LRRC4C: variants seen among roughly 807,000 people sequenced by gnomAD.
The protein encoded by LRRC4C is leucine rich repeat containing 4C.
A neutral mutation model predicts 33.6 loss-of-function variants in LRRC4C; 5 were observed. The observed-to-expected ratio is 0.15, with a 90% CI of 0.08 to 0.31. The LOEUF (loss-of-function observed/expected upper bound fraction) is 0.31, where lower values mean the gene tolerates loss of function less well. Among genes scored for constraint, LRRC4C ranks in the 10% least tolerant of loss-of-function variants. LRRC4C has a pLI of 1.00. For synonymous variants in LRRC4C, 329 were observed against 302.0 expected (o/e 1.09, Z -0.93); for missense variants, 560 against 796.7 (o/e 0.70, Z 3.58).
intron 1 of LRRC4C, among the ~76,000 whole-genome samples, chr11:41,327,697 C>G (rs1951164560): frequency 6.6e-6 from 1 of 152,012 alleles, no homozygotes; most frequent in Non-Finnish European, 1.5e-5. Flanking sequence ...GGGAGGGACC[C>G]CGTGGGAGGT....
At chr11:41,422,706 A>T (rs1393648801) in intron 1 of LRRC4C, among the ~76,000 whole-genome samples, 1 of 152,050 alleles carries the variant, frequency 6.6e-6, no homozygotes, top group Non-Finnish European at 1.5e-5. Flanking sequence ...AAACATCTTA[A>T]GCAACATACA....
At chr11:40,478,411 T>C (rs1399534945) in intron 3 of LRRC4C, among the ~76,000 whole-genome samples, 3 of 152,202 alleles carry the variant, frequency 2.0e-5, no homozygotes, top group African/African-American at 4.8e-5. Flanking sequence ...GAAGCTCCAG[T>C]CCATGCTATG....
intron 2 of LRRC4C, among the ~76,000 whole-genome samples, chr11:40,910,663 C>A (rs982366802): frequency 2.0e-5 from 3 of 151,938 alleles, no homozygotes; most frequent in Non-Finnish European, 4.4e-5. Flanking sequence ...ACTGAGGTAC[C>A]AGGTTCATCT....
rs1015684816 is a variant in LRRC4C at position 41,188,939 on chromosome 11, A to G, written c.-495-255216T>C. On this transcript the variant is annotated intron_variant, in intron 1 of 6. Transcript: ENST00000528697. ...AAAAAAAGTATAATTTATGTTGGCAATTTCTTAAACTAATAAATGATTCTT... is the reference window on the plus strand; with the variant it reads ...AAAAAAAGTATAATTTATGTTGGCAGTTTCTTAAACTAATAAATGATTCTT... Among the ~76,000 whole-genome samples the G allele has an allele frequency of 7.7e-5, 11 of 142,492 alleles. No homozygotes were observed. The East Asian group carries it at 2.8e-3, about 36-fold the overall frequency. 93.5% of individuals were successfully genotyped at this position (142,492 alleles called of 152,430 possible).
intron 3 of LRRC4C, among the ~76,000 whole-genome samples, chr11:40,599,832 A>T (rs1453773311): frequency 2.0e-5 from 3 of 152,216 alleles, no homozygotes; most frequent in African/African-American, 7.2e-5. Context: ...AGAAATGGAA[A>T]TGTAGGGCAG....
rs193238762 is a variant in LRRC4C, at chr11:40,646,084, G to A, written c.-270+2058C>T. 1.6e-3 allele frequency among the ~76,000 whole-genome samples: 225 copies of A among 141,174 alleles called. 1 individual carries two copies. The highest frequency in any genetic ancestry group is 5.4e-3 in the Admixed American group (75 of 13,962). The allele number at this position is 141,174 out of a possible 152,430, so 92.6% of individuals were successfully genotyped here. ...GCCAATAACTGGCTAACCATTCTTT[G>A]ATAATTCTGCCTATTGAAATAAATG... On this transcript the variant is annotated intron_variant, in intron 3 of 6. Coordinates refer to ENST00000528697, the MANE Select transcript of LRRC4C (RefSeq NM_001258419.2).
intron 3 of LRRC4C, among the ~76,000 whole-genome samples, chr11:40,644,582 C>G (rs899977078): frequency 6.6e-6 from 1 of 152,108 alleles, no homozygotes; most frequent in Non-Finnish European, 1.5e-5. Context: ...AGAAATATTA[C>G]TCAATAGAAA....
chr11:40,432,428 T>C (rs1229493384), intron 3 of LRRC4C, among the ~76,000 whole-genome samples: 4 of 152,240 alleles, frequency 2.6e-5, no homozygotes, highest in African/African-American at 7.2e-5. Context: ...AAAGTTTAAG[T>C]GTCTTGAAGA....
intron 2 of LRRC4C, among the ~76,000 whole-genome samples, chr11:40,826,738 A>AT (rs1591818868): frequency 6.6e-6 from 1 of 151,850 alleles, no homozygotes; most frequent in East Asian, 1.9e-4. Flanking sequence ...GATATCTTGA[A>AT]TTTTTCCATA....
At chr11:41,207,111 T>C (rs531704534) in intron 1 of LRRC4C, among the ~76,000 whole-genome samples, 1 of 152,268 alleles carries the variant, frequency 6.6e-6, no homozygotes, top group East Asian at 1.9e-4. Flanking sequence ...CCCAAAAGGA[T>C]CCACAACATT....
chr11:40,683,036 C>G (rs546125115), intron 2 of LRRC4C, among the ~76,000 whole-genome samples: 1 of 152,218 alleles, frequency 6.6e-6, no homozygotes, highest in African/African-American at 2.4e-5. Context: ...GAAACGGTTA[C>G]CAAGAGTAGA....
At chr11:40,326,114 G>T (rs1353225274) in intron 3 of LRRC4C, among the ~76,000 whole-genome samples, 1 of 150,992 alleles carries the variant, frequency 6.6e-6, no homozygotes, top group African/African-American at 2.4e-5. Flanking sequence ...TATAAAAACT[G>T]TTGCTTGCTT....
intron 1 of LRRC4C, among the ~76,000 whole-genome samples, chr11:41,376,534 C>T (rs146501329): frequency 0.011 from 1,646 of 152,128 alleles, 9 homozygotes; most frequent in South Asian, 0.035. Context: ...AATGGTTAAA[C>T]ATTAGAAATA....
intron 2 of LRRC4C, among the ~76,000 whole-genome samples, chr11:40,912,863 C>A (rs981188688): frequency 1.1e-4 from 16 of 151,716 alleles, no homozygotes; most frequent in African/African-American, 3.4e-4. Context: ...TCTACCAAGC[C>A]AATGGAAAAC....
Position 40,442,075 on chromosome 11 carries a change from A to G in LRRC4C, c.-269-122354T>C, listed in dbSNP as rs1027727879. Among the ~76,000 whole-genome samples, 3 of 147,452 alleles carry G rather than the reference A, an allele frequency of 2.0e-5. No homozygotes were observed. The South Asian group carries it at 6.5e-4, about 32-fold the overall frequency. On this transcript the variant is annotated intron_variant, in intron 3 of 6. Coordinates refer to ENST00000528697, the MANE Select transcript of LRRC4C (RefSeq NM_001258419.2). ...CTACTTGGGAGGCTGAGGCAGGAGA[A>G]CGGTGTGAACCCAGGAGGTGGAGCT...
intron 2 of LRRC4C, among the ~76,000 whole-genome samples, chr11:40,891,921 T>G (rs1385850482): frequency 4.0e-5 from 6 of 151,504 alleles, no homozygotes; most frequent in Non-Finnish European, 5.9e-5. Context: ...GTATCACGAG[T>G]TCAGGAGATC....
At chr11:41,435,865 T>C (rs572956348) in intron 1 of LRRC4C, among the ~76,000 whole-genome samples, 9 of 152,230 alleles carry the variant, frequency 5.9e-5, no homozygotes, top group Non-Finnish European at 1.0e-4. Flanking sequence ...ACTTCTTGAA[T>C]TCTTCAAATA....
At chr11:41,321,057 C>A (rs1353730623) in intron 1 of LRRC4C, among the ~76,000 whole-genome samples, 1 of 152,326 alleles carries the variant, frequency 6.6e-6, no homozygotes, top group East Asian at 1.9e-4. Context: ...CCTGCTTCTT[C>A]TTCTGCTGTG....
At chr11:40,284,505 A>G (rs548812623) in intron 4 of LRRC4C, among the ~76,000 whole-genome samples, 12 of 152,328 alleles carry the variant, frequency 7.9e-5, no homozygotes, top group African/African-American at 2.9e-4. Context: ...CAAGAATATA[A>G]AGAGGATGTT....
Sources: gnomAD v4.1 joint callset for allele counts (sites outside exome capture counted in the v4.1 genomes callset) on GRCh38, gnomAD v4.1.1 for gene constraint, MANE v1.5 for transcripts, NCBI Gene and HGNC (gene_info 2026-07-23, HGNC 2026-07-21) for gene names.